Variants in NUP50 observed in about 807,000 individuals in gnomAD.
The protein encoded by NUP50 is nuclear pore complex protein Nup50.
NUP50 carries 14 observed loss-of-function variants against 36.8 expected under a neutral mutation model. That is an observed-to-expected ratio of 0.38 (90% confidence interval 0.25 to 0.59). The LOEUF (loss-of-function observed/expected upper bound fraction) is 0.59. Ranked by LOEUF, NUP50 falls within the 20% of genes least tolerant of loss-of-function variation. NUP50 has a pLI of 0.63. For synonymous variants in NUP50, 195 were observed against 210.8 expected (o/e 0.93, Z 0.65); for missense variants, 455 against 564.6 (o/e 0.81, Z 1.97).
At chr22:45,183,035 C>A (rs12170789) in intron 6 of NUP50, among the ~76,000 whole-genome samples, 4 of 123,424 alleles carry the variant, frequency 3.2e-5, no homozygotes, top group Admixed American at 1.1e-4. Context: ...AGGACCAGAT[C>A]GGCGATCTTG....
chr22:45,171,162 A>G, intron 2 of NUP50: 1 of 1,183,928 alleles, frequency 8.4e-7, no homozygotes, highest in Non-Finnish European at 1.1e-6. Context: ...GGCAGGACTC[A>G]TCTTAAAAAT....
chr22:45,168,106 A>T (rs1819233371), intron 1 of NUP50, 62 bp from the exon 2 acceptor site: 2 of 1,285,390 alleles, frequency 1.6e-6, no homozygotes, highest in Non-Finnish European at 2.2e-6. Context: ...GTGAATTTTT[A>T]AAATTCTTTA....
At position 45,186,365 on chromosome 22, in the gene NUP50, T is replaced by C. The variant is rs985079383; in HGVS notation, c.*1710T>C. Reference sequence around the variant, plus strand: ...CGGATGATTCATAGTAAGCAAGCGGTTGATGCTGTTAATACCGGCCCCACC... The same window carrying C: ...CGGATGATTCATAGTAAGCAAGCGGCTGATGCTGTTAATACCGGCCCCACC... On this transcript the variant is annotated 3_prime_UTR_variant, in exon 8 of 8. Coordinates refer to ENST00000347635, the MANE Select transcript of NUP50 (RefSeq NM_007172.4). 8 of 152,154 alleles carry C rather than the reference T, an allele frequency of 5.3e-5. No homozygotes were observed. The highest frequency in any genetic ancestry group is 1.9e-4 in the African/African-American group (8 of 41,422). The allele number at this position is 152,154 out of a possible 1,614,324, so 9.4% of individuals were successfully genotyped here.
rs1355289680 is a variant in NUP50 at position 45,177,406 on chromosome 22, C to A, written c.341-832C>A. On this transcript the variant is annotated intron_variant, in intron 4 of 7. Transcript: ENST00000347635. ...ATGTTGCCCAGGCTGGTCTCAAACT[C>A]CTGAGCTCAAGCGATTTGCCCACCT... Among the ~76,000 whole-genome samples, 7 of 152,244 alleles carry A rather than the reference C, an allele frequency of 4.6e-5. No homozygotes were observed. The East Asian group carries it at 1.2e-3, about 25-fold the overall frequency.
chr22:45,177,160 T>C (rs900585740), intron 4 of NUP50, among the ~76,000 whole-genome samples: 1 of 152,146 alleles, frequency 6.6e-6, no homozygotes, highest in Admixed American at 6.5e-5. Context: ...AAAGTGAGTG[T>C]TCGTATCCAC....
rs1484069784 is a variant in NUP50 at position 45,186,563 on chromosome 22, CGT to C, written c.*1913_*1914del. ...TGACACAGTACTTTGTTAGCGTCTG[CGT>C]GTGTATGGAAAGTTGACAAAAAATG... On this transcript the variant is annotated 3_prime_UTR_variant, in exon 8 of 8. Coordinates refer to ENST00000347635, the MANE Select transcript of NUP50 (RefSeq NM_007172.4). The C allele has an allele frequency of 6.6e-6, 1 of 152,452 alleles. No homozygotes were observed. The highest frequency in any genetic ancestry group is 1.5e-5 in the Non-Finnish European group (1 of 68,024). 9.4% of individuals were successfully genotyped at this position (152,452 alleles called of 1,614,324 possible).
chr22:45,181,161 A>T, intron 5 of NUP50, 125 bp from the exon 6 acceptor site: 2 of 147,636 alleles, frequency 1.4e-5, no homozygotes, highest in Non-Finnish European at 1.3e-5. Context: ...TTAAGTGTGC[A>T]TTTTAGTCTG....
chr22:45,178,784 C>G lies in NUP50; in HGVS notation c.887C>G (p.Ser296Cys). 1 of 1,613,908 alleles carries G rather than the reference C, an allele frequency of 6.2e-7. No homozygotes were observed. Among genetic ancestry groups the G allele is most frequent in the Non-Finnish European group, 8.5e-7 (1 of 1,179,900 alleles). The change falls in exon 5 of 8, where the codon TCC becomes TGC. Residue 296 changes from serine (S) to cysteine (C), a missense_variant. Physicochemically the swap from Ser to Cys is moderately radical, Grantham distance 112. Transcript: ENST00000347635. Reference protein sequence around the residue: ...SSVPLTGFSFSPGNSSLFGKD... With the variant: ...SSVPLTGFSFCPGNSSLFGKD... The stretch of plus-strand genomic sequence containing the variant: ...GTCCCCCTGACTGGATTTTCTTTCT[C>G]CCCTGGAAACTCCAGTTTATTTGGC...
chr22:45,179,242 T>C (rs2074328094), intron 5 of NUP50: 2 of 219,552 alleles, frequency 9.1e-6, no homozygotes, highest in Non-Finnish European at 9.0e-6. Flanking sequence ...ATCAAGTTCA[T>C]CATGAATGTC....
intron 1 of NUP50, among the ~76,000 whole-genome samples, chr22:45,167,008 C>T (rs2074104805): frequency 6.6e-6 from 1 of 152,074 alleles, no homozygotes; most frequent in Non-Finnish European, 1.5e-5. Flanking sequence ...TTTGGAATAC[C>T]AGCATTTGCA....
At chr22:45,168,928 G>A (rs1267445510) in intron 2 of NUP50, among the ~76,000 whole-genome samples, 1 of 131,778 alleles carries the variant, frequency 7.6e-6, no homozygotes, top group African/African-American at 2.9e-5. Context: ...TTGAGACAGA[G>A]TCTCACCCTG....
At chr22:45,168,050 C>G (rs2074122586) in intron 1 of NUP50, 118 bp from the exon 2 acceptor site, 1 of 737,820 alleles carries the variant, frequency 1.4e-6, no homozygotes, top group Admixed American at 3.0e-5. Flanking sequence ...TGCTTTTTTT[C>G]CCTGATAAAA....
At chr22:45,175,700 G>A (rs1380161696) in intron 3 of NUP50, 194 bp from the exon 4 acceptor site, 1 of 488,706 alleles carries the variant, frequency 2.0e-6, no homozygotes, top group East Asian at 3.3e-5. Context: ...AGCAGCTTTG[G>A]GTTGCAAAGC....
Position 45,188,011 on chromosome 22 carries a change from A to T in NUP50, c.*3356A>T, listed in dbSNP as rs571042637. On this transcript the variant is annotated 3_prime_UTR_variant, in exon 8 of 8. Coordinates refer to ENST00000347635, the MANE Select transcript of NUP50 (RefSeq NM_007172.4). ...TGTGAATAAATGAAAAGTAAACAAA[A>T]TCCCAATGTGTGAGTCTTATGTTCC... is the stretch of plus-strand genomic sequence containing the variant. 1 of 152,770 alleles carries T rather than the reference A, an allele frequency of 6.5e-6. No homozygotes were observed. Among genetic ancestry groups the T allele is most frequent in the East Asian group, 1.9e-4 (1 of 5,194 alleles). The allele number at this position is 152,770 out of a possible 1,614,324, so 9.5% of individuals were successfully genotyped here. A position where few individuals can be genotyped will look rare whatever the true frequency, so the allele number is the denominator to read the frequency against.
chr22:45,183,546 A>G (rs1439368418), intron 7 of NUP50, 26 bp downstream of exon 7: 2 of 1,309,840 alleles, frequency 1.5e-6, no homozygotes, highest in African/African-American at 1.4e-5. Flanking sequence ...CAGTTAGCAC[A>G]AAATCATCAT....
At chr22:45,181,621 A>G (rs1329340354) in intron 6 of NUP50, among the ~76,000 whole-genome samples, 1 of 152,058 alleles carries the variant, frequency 6.6e-6, no homozygotes, top group East Asian at 1.9e-4. Flanking sequence ...AGGATCTTCC[A>G]TGATCTTCCC....
At position 45,178,587 on chromosome 22, in the gene NUP50, A is replaced by G. The variant is rs147316772; in HGVS notation, c.690A>G (p.Leu230=). ...QSPSLFGSTK[L]QQESTFLFHG... ...CTTCCCTTTTTGGCTCAACAAAATTACAGCAAGAGTCAACGTTTTTGTTTC... is the reference window on the plus strand; with the variant it reads ...CTTCCCTTTTTGGCTCAACAAAATTGCAGCAAGAGTCAACGTTTTTGTTTC... Residue 230 remains leucine (L), a synonymous_variant, in exon 5 of 8, where the codon TTA becomes TTG. Coordinates refer to ENST00000347635, the MANE Select transcript of NUP50 (RefSeq NM_007172.4). The G allele has an allele frequency of 1.4e-5, 22 of 1,612,050 alleles. No homozygotes were observed. The highest frequency in any genetic ancestry group is 2.3e-4 in the Middle Eastern group (1 of 4,434).
At chr22:45,164,703 C>T (rs132851) in intron 1 of NUP50, 103,544 of 151,754 alleles carry the variant, frequency 0.68, 35,476 homozygotes, top group East Asian at 0.86. Flanking sequence ...GGCCCGGGCC[C>T]CACCGGGCTG....
intron 2 of NUP50, among the ~76,000 whole-genome samples, chr22:45,169,365 G>A (rs779402265): frequency 1.3e-5 from 2 of 152,148 alleles, no homozygotes; most frequent in Admixed American, 6.5e-5. Flanking sequence ...GTGAGACCCT[G>A]TCTAAAAAAC....
Sources: allele counts gnomAD v4.1 joint callset (sites outside exome capture counted in the v4.1 genomes callset), GRCh38; gene constraint gnomAD v4.1.1; transcripts MANE v1.5; gene names NCBI Gene and HGNC (gene_info 2026-07-23, HGNC 2026-07-21).